ERI2: variants seen among roughly 807,000 people sequenced by gnomAD.
ERI2 encodes the protein ERI1 exoribonuclease family member 2.
In ERI2, 35 loss-of-function variants were observed where a neutral mutation model predicts 46.8. The observed-to-expected ratio is 0.75, with a 90% confidence interval of 0.57 to 0.99. ERI2 has a LOEUF of 0.99. ERI2 is among the 50% of genes least tolerant of loss of function. The pLI is 0.00. For synonymous variants in ERI2, 224 were observed against 271.0 expected, an observed-to-expected ratio of 0.83 and a Z score of 1.70; for missense variants, 695 against 796.2, an observed-to-expected ratio of 0.87 and a Z score of 1.53.
At chr16:20,804,101 A>C (rs1596552903) in intron 1 of ERI2, among the ~76,000 whole-genome samples, 1 of 147,884 alleles carries the variant, frequency 6.8e-6, no homozygotes. Flanking sequence ...CAATCCTCCC[A>C]CCTCAGCCCC....
rs530618304 is a variant in ERI2, at chr16:20,801,247, G to A, written c.416C>T (p.Pro139Leu). Residue 139 changes from proline (P) to leucine (L), a missense_variant, in exon 5 of 9, where the codon CCT (proline) becomes CTT (leucine). Transcript: ENST00000357967. ...ACATAATTTTACTTCAGAAGCAGAA[G>A]GCTCTGAAATCCCAGTAGCAAAAAT... ...NIIFATGISE[P>L]SASEVKLCAF... 5 of 1,612,208 alleles carry A rather than the reference G, an allele frequency of 3.1e-6. No homozygotes were observed. The highest frequency in any genetic ancestry group is 1.7e-5 in the Admixed American group (1 of 59,780).
chr16:20,782,521 G>A (rs976622152), intron 10 of ERI2, among the ~76,000 whole-genome samples: 4 of 152,166 alleles, frequency 2.6e-5, no homozygotes, highest in Non-Finnish European at 5.9e-5. Context: ...TGGGTCTCCA[G>A]ATGTAAGGGA....
At chr16:20,781,682 A>C (rs763641191) in intron 10 of ERI2, 1 of 1,563,270 alleles carries the variant, frequency 6.4e-7, no homozygotes, top group Non-Finnish European at 8.8e-7. Context: ...TAGTAAGACC[A>C]AGAGTTTGCT....
chr16:20,806,107 C>G, intron 1 of ERI2: 1 of 1,319,064 alleles, frequency 7.6e-7, no homozygotes, highest in Non-Finnish European at 9.6e-7. Context: ...GGCACTGTCA[C>G]GTCCAGTCGT....
intron 10 of ERI2, chr16:20,780,936 T>C (rs764296808): frequency 1.2e-6 from 2 of 1,612,382 alleles, no homozygotes; most frequent in Admixed American, 3.3e-5. Flanking sequence ...TTATATTTAT[T>C]TTCCTATGTA....
chr16:20,800,303 T>G lies in ERI2; in HGVS notation c.560A>C (p.Lys187Thr), dbSNP rs2080782900. Residue 187 changes from lysine to threonine, a missense_variant and splice_region_variant, in exon 6 of 9, where the codon AAG (lysine) becomes ACG (threonine). Physicochemically the swap from Lys to Thr is moderately conservative, Grantham distance 78 (BLOSUM62 -1). Transcript: ENST00000357967. ...NSWIDLRATYKLFYRRKPKGL... is the reference protein window; with the variant it reads ...NSWIDLRATYTLFYRRKPKGL... ...CATGCCCCCATTTTTTACCATTACCTTGTAAGTTGCTCTGAGATCAATCCA... is the reference window on the plus strand; with the variant it reads ...CATGCCCCCATTTTTTACCATTACCGTGTAAGTTGCTCTGAGATCAATCCA... 1.9e-6 allele frequency: 3 copies of G among 1,597,706 alleles called. No individual in the cohort carries two copies. Among genetic ancestry groups the G allele is most frequent in the Non-Finnish European group, 2.6e-6 (3 of 1,168,838 alleles).
chr16:20,802,690 G>T, intron 4 of ERI2, 106 bp downstream of exon 4: 1 of 1,325,848 alleles, frequency 7.5e-7, no homozygotes, highest in Non-Finnish European at 1.0e-6. Context: ...GGGATTACAG[G>T]CATAAGCCAT....
In ERI2 at chr16:20,801,360, C is replaced by G. The variant is rs1479494051; in HGVS notation, c.304-1G>C. 2 of 1,587,582 alleles carry G rather than the reference C, an allele frequency of 1.3e-6. No individual in the cohort carries two copies. The highest frequency in any genetic ancestry group is 4.6e-5 in the East Asian group (2 of 43,824). ...GAGGGACTCCTTCATCAACTTGAGC[C>G]TGAGTAGAGAGTCACAAAAGCTGAA... On this transcript the variant is annotated splice_acceptor_variant, in intron 4 of 8. Coordinates refer to ENST00000357967, the MANE Select transcript of ERI2 (RefSeq NM_001142725.2). LOFTEE classifies it high-confidence loss of function.
chr16:20,803,140 TATA>T (rs565987857), intron 3 of ERI2, among the ~76,000 whole-genome samples: 8 of 152,326 alleles, frequency 5.3e-5, no homozygotes, highest in Middle Eastern at 3.4e-3. Flanking sequence ...AAGAAAACAA[TATA>T]ATTAAATAAA....
chr16:20,793,821 A>G (rs2080659855), downstream of ERI2, among the ~76,000 whole-genome samples: 1 of 152,164 alleles, frequency 6.6e-6, no homozygotes, highest in Admixed American at 6.6e-5. Context: ...CTCCCCTACC[A>G]TTAGTCATCA....
At chr16:20,800,436 A>T (rs760808090) in intron 5 of ERI2, 34 bp from the exon 6 acceptor site, 1 of 1,331,698 alleles carries the variant, frequency 7.5e-7, no homozygotes, top group South Asian at 1.3e-5. Context: ...AACAAAGTCA[A>T]TGATGCCAGC....
At chr16:20,805,507 T>A (rs1596554929) in intron 1 of ERI2, among the ~76,000 whole-genome samples, 1 of 152,222 alleles carries the variant, frequency 6.6e-6, no homozygotes, top group East Asian at 1.9e-4. Flanking sequence ...TAATTAGGAA[T>A]AAATAGTAAC....
intron 10 of ERI2, chr16:20,781,622 T>G: frequency 1.0e-6 from 1 of 1,000,422 alleles, no homozygotes; most frequent in Non-Finnish European, 1.6e-6. Context: ...ATAAACAATG[T>G]TTAAATTGTG....
chr16:20,782,444 C>T (rs143624170), intron 10 of ERI2, among the ~76,000 whole-genome samples: 179 of 152,276 alleles, frequency 1.2e-3, no homozygotes, highest in African/African-American at 4.2e-3. Flanking sequence ...CATTCTTACG[C>T]TATTGCATCC....
chr16:20,784,852 T>G, intron 10 of ERI2: 1 of 896,628 alleles, frequency 1.1e-6, no homozygotes. Flanking sequence ...GTAAAATGGT[T>G]TGTTTTGTGC....
At chr16:20,800,579 G>A (rs1039200313) in intron 5 of ERI2, 177 bp from the exon 6 acceptor site, 1 of 399,540 alleles carries the variant, frequency 2.5e-6, no homozygotes, top group Non-Finnish European at 4.5e-6. Context: ...AACAAGTTAG[G>A]TTGATGACTA....
chr16:20,781,995 G>A (rs138146688), intron 10 of ERI2, among the ~76,000 whole-genome samples: 1 of 152,296 alleles, frequency 6.6e-6, no homozygotes, highest in East Asian at 1.9e-4. Context: ...AGAAGAAAGT[G>A]AGGGTTCAGC....
intron 10 of ERI2, chr16:20,786,211 C>T (rs2080471973): frequency 1.3e-6 from 2 of 1,582,982 alleles, no homozygotes; most frequent in East Asian, 4.6e-5. Context: ...TGTACACTAC[C>T]TACCTACCGC....
rs773747450 is a variant in ERI2 at position 20,799,260 on chromosome 16, A to G, written c.732+3T>C. ...CAGAATAAAAAGGCAAGACACTACTAACCTTGTTCAACGACCTTGTAATTT... is the reference window on the plus strand; with the variant it reads ...CAGAATAAAAAGGCAAGACACTACTGACCTTGTTCAACGACCTTGTAATTT... On this transcript the variant is annotated splice_donor_region_variant and intron_variant, in intron 8 of 8. Coordinates refer to ENST00000357967, the MANE Select transcript of ERI2 (RefSeq NM_001142725.2). 1 of 1,613,370 alleles carries G rather than the reference A, an allele frequency of 6.2e-7. No homozygotes were observed. The highest frequency in any genetic ancestry group is 8.5e-7 in the Non-Finnish European group (1 of 1,179,598).
Sources: gnomAD v4.1 joint callset for allele counts (sites outside exome capture counted in the v4.1 genomes callset) on GRCh38, gnomAD v4.1.1 for gene constraint, MANE v1.5 for transcripts, NCBI Gene and HGNC (gene_info 2026-07-23, HGNC 2026-07-21) for gene names.